LRIG1: variants seen among roughly 807,000 people sequenced by gnomAD.
LRIG1 encodes the protein leucine-rich repeats and immunoglobulin-like domains protein 1.
In LRIG1, 48 loss-of-function variants were observed where a neutral mutation model predicts 99.2. The observed-to-expected ratio is 0.48, with a 90% CI of 0.38 to 0.62. The LOEUF (loss-of-function observed/expected upper bound fraction) is 0.62. Among genes scored for constraint, LRIG1 ranks in the 20% least tolerant of loss-of-function variants. LRIG1 has a pLI of 0.00. For synonymous variants in LRIG1, 772 were observed against 596.1 expected, an observed-to-expected ratio of 1.29 and a Z score of -4.30; for missense variants, 1,646 against 1,434.4, an observed-to-expected ratio of 1.15 and a Z score of -2.38.
rs551466934 is a variant in LRIG1, at chr3:66,495,425, G to C, written c.218+4765C>G. On this transcript the variant is annotated intron_variant, in intron 1 of 18. Transcript: ENST00000273261. ...TTTCAAATTGCAGTCACTGAGGAGG[G>C]GGAACGTACCCAGTGAGTAAATGTC... 3.7e-4 allele frequency among the ~76,000 whole-genome samples: 56 copies of C among 152,306 alleles called. 1 individual carries two copies. Among genetic ancestry groups the C allele is most frequent in the African/African-American group, 1.3e-3 (53 of 41,560 alleles).
At chr3:66,408,240 T>A (rs1221515737) in intron 7 of LRIG1, among the ~76,000 whole-genome samples, 1 of 152,152 alleles carries the variant, frequency 6.6e-6, no homozygotes, top group Non-Finnish European at 1.5e-5. Context: ...CAGAGAAGAT[T>A]AATGAGCTTT....
chr3:66,470,047 T>A (rs1434859245), intron 1 of LRIG1, among the ~76,000 whole-genome samples: 2 of 152,240 alleles, frequency 1.3e-5, no homozygotes, highest in Non-Finnish European at 2.9e-5. Context: ...GAAACTTGCT[T>A]GTTTCTGACT....
intron 3 of LRIG1, among the ~76,000 whole-genome samples, chr3:66,430,165 C>T (rs867494723): frequency 2.2e-5 from 3 of 137,918 alleles, no homozygotes; most frequent in Non-Finnish European, 3.0e-5. Flanking sequence ...TCAGGAAAAA[C>T]AAAACAAAAC....
At chr3:66,467,482 C>T (rs1330433126) in intron 1 of LRIG1, among the ~76,000 whole-genome samples, 1 of 152,004 alleles carries the variant, frequency 6.6e-6, no homozygotes, top group Non-Finnish European at 1.5e-5. Context: ...GCCTCAGCCT[C>T]CCCAGTAGCT....
chr3:66,474,464 GC>G (rs1357452969), intron 1 of LRIG1, among the ~76,000 whole-genome samples: 1 of 151,640 alleles, frequency 6.6e-6, no homozygotes, highest in East Asian at 1.9e-4. Flanking sequence ...TCCTATCTCA[GC>G]CTCCTGAATA....
intron 11 of LRIG1, among the ~76,000 whole-genome samples, chr3:66,397,677 A>ATG (rs1409816139): frequency 6.6e-6 from 1 of 152,154 alleles, no homozygotes; most frequent in Non-Finnish European, 1.5e-5. Context: ...TCCCCTCCAG[A>ATG]GCTCTGCCTT....
At chr3:66,419,117 G>A (rs754208864) in intron 3 of LRIG1, among the ~76,000 whole-genome samples, 18 of 152,234 alleles carry the variant, frequency 1.2e-4, no homozygotes, top group Admixed American at 1.2e-3. Flanking sequence ...CAGGGCGCCA[G>A]GAAAAGGGTC....
At chr3:66,465,022 G>A (rs939991819) in intron 1 of LRIG1, among the ~76,000 whole-genome samples, 1 of 152,134 alleles carries the variant, frequency 6.6e-6, no homozygotes, top group Non-Finnish European at 1.5e-5. Context: ...TTTTCACGGG[G>A]TCAGCTGGAA....
At chr3:66,486,158 T>G (rs1349222566) in intron 1 of LRIG1, among the ~76,000 whole-genome samples, 1 of 152,188 alleles carries the variant, frequency 6.6e-6, no homozygotes, top group African/African-American at 2.4e-5. Context: ...GGTACACTAT[T>G]ATTGCGACAG....
At chr3:66,390,845 A>C (rs980141063) in intron 12 of LRIG1, among the ~76,000 whole-genome samples, 2 of 152,182 alleles carry the variant, frequency 1.3e-5, no homozygotes, top group Non-Finnish European at 2.9e-5. Context: ...AAACTTTTGC[A>C]TTTCAACTAT....
In LRIG1 at chr3:66,417,188, C is replaced by T. The variant is rs757638472; in HGVS notation, c.444G>A (p.Leu148=). Residue 148 remains leucine, a synonymous_variant, in exon 4 of 19, where the codon TTG becomes TTA. Transcript: ENST00000273261. Reference sequence around the variant, plus strand: ...TGTTCCGCACTTCCGTGATGTTGTTCAAACTCAGATCTAACACTTCTAAGG... The same window carrying T: ...TGTTCCGCACTTCCGTGATGTTGTTTAAACTCAGATCTAACACTTCTAAGG... ...YLSLEVLDLS[L]NNITEVRNTC... 48 of 1,614,076 alleles carry T rather than the reference C, an allele frequency of 3.0e-5. No homozygotes were observed. The highest frequency in any genetic ancestry group is 4.1e-5 in the Non-Finnish European group (48 of 1,180,046).
chr3:66,382,244 G>A (rs777968005), intron 16 of LRIG1, 29 bp downstream of exon 16: 1 of 1,613,328 alleles, frequency 6.2e-7, no homozygotes, highest in South Asian at 1.1e-5. Context: ...TCACAGCAGA[G>A]CTCTGCTTCA....
intron 9 of LRIG1, among the ~76,000 whole-genome samples, chr3:66,400,706 G>A (rs552991878): frequency 3.6e-4 from 55 of 152,302 alleles, no homozygotes; most frequent in African/African-American, 1.3e-3. Flanking sequence ...GGGAAAACAA[G>A]AAGCCCCAGC....
Position 66,379,386 on chromosome 3 carries a change from A to ACAT in LRIG1, c.*874_*876dup, listed in dbSNP as rs1476187660. On this transcript the variant is annotated 3_prime_UTR_variant, in exon 19 of 19. Coordinates refer to ENST00000273261, the MANE Select transcript of LRIG1 (RefSeq NM_015541.3). ...TACTCATTATATTGGCAAAACGAAA[A>ACAT]CATCAGTATAGAAAAATCCACAGGT... 1 of 152,038 alleles carries ACAT rather than the reference A, an allele frequency of 6.6e-6. No homozygotes were observed. The highest frequency in any genetic ancestry group is 1.5e-5 in the Non-Finnish European group (1 of 67,936). The allele number at this position is 152,038 out of a possible 1,614,324, so 9.4% of individuals were successfully genotyped here.
At chr3:66,439,510 T>G (rs1703471412) in intron 3 of LRIG1, among the ~76,000 whole-genome samples, 2 of 152,124 alleles carry the variant, frequency 1.3e-5, no homozygotes, top group Admixed American at 1.3e-4. Context: ...CTTTGCTATA[T>G]TACAATAAAG....
chr3:66,409,082 T>C (rs1702378080), intron 7 of LRIG1, among the ~76,000 whole-genome samples: 1 of 151,896 alleles, frequency 6.6e-6, no homozygotes, highest in Non-Finnish European at 1.5e-5. Flanking sequence ...CCCTTGAGTT[T>C]GCCTGGTGAG....
rs1701333561 is a variant in LRIG1 at position 66,500,451 on chromosome 3, G to A, written c.-44C>T. ...CGAACTCCGGGCGCGGGGACTGTGA[G>A]GACCCGAACGGCCGCAGACGCGGGC... is the stretch of plus-strand genomic sequence containing the variant. On this transcript the variant is annotated 5_prime_UTR_variant, in exon 1 of 19. Coordinates refer to ENST00000273261, the MANE Select transcript of LRIG1 (RefSeq NM_015541.3). The A allele has an allele frequency of 8.2e-6, 10 of 1,218,706 alleles. No individual in the cohort carries two copies. The highest frequency in any genetic ancestry group is 1.1e-5 in the Non-Finnish European group (10 of 947,452). The allele number at this position is 1,218,706 out of a possible 1,614,324, so 75.5% of individuals were successfully genotyped here. A position where few individuals can be genotyped will look rare whatever the true frequency, so the allele number is the denominator to read the frequency against.
intron 1 of LRIG1, among the ~76,000 whole-genome samples, chr3:66,480,891 C>G (rs1700835670): frequency 6.6e-6 from 1 of 152,164 alleles, no homozygotes; most frequent in African/African-American, 2.4e-5. Flanking sequence ...GAAAATAAAT[C>G]AGTTAGATTA....
intron 3 of LRIG1, among the ~76,000 whole-genome samples, chr3:66,433,389 C>T (rs963411540): frequency 1.3e-5 from 2 of 152,196 alleles, no homozygotes; most frequent in African/African-American, 4.8e-5. Context: ...CTAAAGCTCC[C>T]TCTGAGGTTA....
Sources: gnomAD v4.1 joint callset for allele counts (sites outside exome capture counted in the v4.1 genomes callset) on GRCh38, gnomAD v4.1.1 for gene constraint, MANE v1.5 for transcripts, NCBI Gene and HGNC (gene_info 2026-07-23, HGNC 2026-07-21) for gene names.